Variants in MPP7 observed in about 807,000 individuals in gnomAD.
MPP7 encodes the protein MAGUK p55 subfamily member 7.
In MPP7, 60 loss-of-function variants were observed where a neutral mutation model predicts 76.5. The observed-to-expected ratio is 0.78, with a 90% CI of 0.64 to 0.97. The LOEUF is 0.97. Among genes scored for constraint, MPP7 ranks in the 50% least tolerant of loss-of-function variants. MPP7 has a pLI of 0.00. For missense variants in MPP7, 641 were observed against 694.0 expected (o/e 0.92, Z 0.86); for synonymous variants, 237 against 244.5 (o/e 0.97, Z 0.29).
At chr10:28,123,900 A>G in intron 8 of MPP7, 131 bp downstream of exon 8, 2 of 633,170 alleles carry the variant, frequency 3.2e-6, no homozygotes, top group South Asian at 1.9e-5. Flanking sequence ...CCAAGAACAC[A>G]CAGGGATTAA....
intron 3 of MPP7, among the ~76,000 whole-genome samples, chr10:28,191,312 T>C (rs1161932422): frequency 4.6e-5 from 7 of 152,086 alleles, no homozygotes; most frequent in Non-Finnish European, 1.0e-4. Flanking sequence ...TATCTTATTA[T>C]CAAAACCAGA....
chr10:28,173,965 C>T (rs1035809893), intron 3 of MPP7, among the ~76,000 whole-genome samples: 4 of 152,102 alleles, frequency 2.6e-5, no homozygotes, highest in African/African-American at 4.8e-5. Flanking sequence ...ACTGACATAG[C>T]GACAGAACAA....
intron 2 of MPP7, among the ~76,000 whole-genome samples, chr10:28,227,861 G>GT (rs1838748893): frequency 6.6e-6 from 1 of 152,160 alleles, no homozygotes; most frequent in Non-Finnish European, 1.5e-5. Flanking sequence ...GGATCAAATG[G>GT]TATTTCTGGT....
chr10:28,302,273 T>C (rs1037162361), intron 1 of MPP7, among the ~76,000 whole-genome samples: 5 of 152,162 alleles, frequency 3.3e-5, no homozygotes, highest in African/African-American at 1.2e-4. Flanking sequence ...TGGGTCTACC[T>C]GTCACTTAAG....
Position 28,084,751 on chromosome 10 carries a change from G to A in MPP7, c.1123+4920C>T, listed in dbSNP as rs143197078. Among the ~76,000 whole-genome samples, 529 of 152,284 alleles carry A rather than the reference G, an allele frequency of 3.5e-3. 1 individual carries two copies. The highest frequency in any genetic ancestry group is 0.011 in the African/African-American group (465 of 41,562). On this transcript the variant is annotated intron_variant, in intron 12 of 16. Transcript: ENST00000683449. ...GGAAGACTTATCCCAGGTTGACCAT[G>A]GGAAATGTGAACAAATTTGAGAGGG...
intron 2 of MPP7, among the ~76,000 whole-genome samples, chr10:28,326,240 A>G (rs1834413733): frequency 6.6e-6 from 1 of 152,094 alleles, no homozygotes; most frequent in South Asian, 2.1e-4. Context: ...GTTTTTCTGT[A>G]CTTCCGGGAG....
chr10:28,163,480 C>A (rs575887166), intron 3 of MPP7, among the ~76,000 whole-genome samples: 13 of 152,260 alleles, frequency 8.5e-5, no homozygotes, highest in Admixed American at 6.5e-5. Context: ...AACATAAGTT[C>A]TCTCAGAAAA....
chr10:28,132,028 G>T (rs895928041), intron 5 of MPP7, among the ~76,000 whole-genome samples: 1 of 152,156 alleles, frequency 6.6e-6, no homozygotes, highest in African/African-American at 2.4e-5. Flanking sequence ...GCAAGAGTGC[G>T]GGGGATGTTA....
At chr10:28,181,515 A>G (rs1837056352) in intron 3 of MPP7, among the ~76,000 whole-genome samples, 1 of 127,358 alleles carries the variant, frequency 7.9e-6, no homozygotes, top group South Asian at 2.5e-4. Flanking sequence ...ACTTCAATAA[A>G]TGAATCCAAT....
chr10:28,128,937 T>C (rs1835103949), intron 6 of MPP7, among the ~76,000 whole-genome samples: 1 of 152,204 alleles, frequency 6.6e-6, no homozygotes, highest in Non-Finnish European at 1.5e-5. Context: ...AAGGGTCTCA[T>C]TATAGACAGA....
At chr10:28,323,243 C>T (rs1274670918) in intron 2 of MPP7, among the ~76,000 whole-genome samples, 1 of 152,114 alleles carries the variant, frequency 6.6e-6, no homozygotes, top group Non-Finnish European at 1.5e-5. Context: ...CAAGATCAGG[C>T]CACTGCACTC....
At chr10:28,145,101 G>A (rs1835662367) in intron 5 of MPP7, among the ~76,000 whole-genome samples, 2 of 152,072 alleles carry the variant, frequency 1.3e-5, no homozygotes, top group Non-Finnish European at 2.9e-5. Flanking sequence ...TTTTAGTAGA[G>A]ACGGGGTTTC....
At chr10:28,075,925 C>A (rs748671085) in intron 12 of MPP7, among the ~76,000 whole-genome samples, 1 of 151,990 alleles carries the variant, frequency 6.6e-6, no homozygotes, top group Non-Finnish European at 1.5e-5. Context: ...AATTGAAGGC[C>A]CTAGTTAGAT....
At chr10:28,263,664 G>A (rs1022949493) in intron 1 of MPP7, among the ~76,000 whole-genome samples, 2 of 152,130 alleles carry the variant, frequency 1.3e-5, no homozygotes, top group Non-Finnish European at 1.5e-5. Context: ...GCTGGCCCAC[G>A]ATCTGCAAAG....
chr10:28,229,305 A>G lies in MPP7; in HGVS notation c.37+9263T>C, dbSNP rs552021302. 1.2e-4 allele frequency among the ~76,000 whole-genome samples: 19 copies of G among 152,352 alleles called. No individual in the cohort carries two copies. The South Asian group carries it at 3.9e-3, about 32-fold the overall frequency. Reference sequence around the variant, plus strand: ...ACTTTTAAATAGCCACTTTGAATATATAATTTCATTGCCTCTTGCTTTCAG... The same window carrying G: ...ACTTTTAAATAGCCACTTTGAATATGTAATTTCATTGCCTCTTGCTTTCAG... On this transcript the variant is annotated intron_variant, in intron 2 of 16. Transcript: ENST00000683449.
intron 5 of MPP7, among the ~76,000 whole-genome samples, chr10:28,136,174 T>C (rs1408900377): frequency 2.0e-5 from 3 of 151,694 alleles, no homozygotes; most frequent in African/African-American, 7.3e-5. Flanking sequence ...TGCAGGAAAA[T>C]AAGCTCAAGG....
intron 2 of MPP7, among the ~76,000 whole-genome samples, chr10:28,232,796 T>C (rs948668965): frequency 6.6e-6 from 1 of 152,162 alleles, no homozygotes; most frequent in Non-Finnish European, 1.5e-5. Flanking sequence ...TGAGAAGAGA[T>C]ACACAGGCTG....
At chr10:28,143,855 C>CTGTGTGTGTG (rs60960005) in intron 5 of MPP7, among the ~76,000 whole-genome samples, 22 of 134,448 alleles carry the variant, frequency 1.6e-4, no homozygotes, top group African/African-American at 5.8e-4. Flanking sequence ...CAATCGTGTG[C>CTGTGTGTGTG]TGTGTGTGTG....
At chr10:28,321,321 G>A (rs559570953) in intron 2 of MPP7, among the ~76,000 whole-genome samples, 1 of 152,272 alleles carries the variant, frequency 6.6e-6, no homozygotes, top group East Asian at 1.9e-4. Flanking sequence ...ATTGTTCCAT[G>A]TTAAGTAACA....
Sources: allele counts gnomAD v4.1 joint callset (sites outside exome capture counted in the v4.1 genomes callset), GRCh38; gene constraint gnomAD v4.1.1; transcripts MANE v1.5; gene names NCBI Gene and HGNC (gene_info 2026-07-23, HGNC 2026-07-21).